The following MDN1 variants were observed in gnomAD, a reference collection of about 807,000 sequenced individuals.
The protein encoded by MDN1 is midasin AAA ATPase 1, also known as midasin.
In MDN1, 266 loss-of-function variants were observed where a neutral mutation model predicts 669.2. That is an observed-to-expected ratio of 0.40 (90% confidence interval 0.36 to 0.44). The LOEUF is 0.44. Among genes scored for constraint, MDN1 ranks in the 20% least tolerant of loss-of-function variants. MDN1 has a pLI of 1.00. For synonymous variants in MDN1, 2,385 were observed against 2,457.1 expected (o/e 0.97, Z 0.87); for missense variants, 5,940 against 6,754.0 (o/e 0.88, Z 4.22).
At chr6:89,794,250 G>C in intron 3 of MDN1, 43 bp from the exon 4 acceptor site, 6 of 1,110,432 alleles carry the variant, frequency 5.4e-6, no homozygotes, top group Non-Finnish European at 7.9e-6. Flanking sequence ...ATCTGCAGTT[G>C]ATAATAAAGA....
At chr6:89,755,535 C>T (rs1205295489) in intron 20 of MDN1, among the ~76,000 whole-genome samples, 1 of 152,106 alleles carries the variant, frequency 6.6e-6, no homozygotes, top group Non-Finnish European at 1.5e-5. Context: ...GTCTGCCTTA[C>T]TCATAGCTAT....
intron 17 of MDN1, 58 bp from the exon 18 acceptor site, chr6:89,759,018 G>C: frequency 6.6e-7 from 1 of 1,525,400 alleles, no homozygotes; most frequent in Non-Finnish European, 9.0e-7. Context: ...CACTTGCCAA[G>C]AACAGTTATG....
At chr6:89,718,293 A>T in intron 43 of MDN1, 73 bp downstream of exon 43, 1 of 1,421,388 alleles carries the variant, frequency 7.0e-7, no homozygotes, top group Non-Finnish European at 9.6e-7. Context: ...AAACATTTGT[A>T]AATCTATTAC....
intron 5 of MDN1, among the ~76,000 whole-genome samples, chr6:89,791,895 TTTGAGACAGAGTC>T (rs1458253125): frequency 6.7e-6 from 1 of 150,316 alleles, no homozygotes; most frequent in African/African-American, 2.5e-5. Flanking sequence ...TTTTTTTTTT[TTTGAGACAGAGTC>T]TCACTCTGGA....
intron 84 of MDN1, among the ~76,000 whole-genome samples, chr6:89,666,931 T>C (rs551349987): frequency 4.1e-4 from 62 of 152,362 alleles, no homozygotes; most frequent in African/African-American, 1.5e-3. Context: ...TTCTGATGAA[T>C]ATTTGGATTG....
chr6:89,668,773 A>C (rs1048545195), intron 83 of MDN1, among the ~76,000 whole-genome samples: 1 of 152,264 alleles, frequency 6.6e-6, no homozygotes, highest in African/African-American at 2.4e-5. Context: ...ACACAGAAAC[A>C]GCTTCCTGCG....
intron 2 of MDN1, among the ~76,000 whole-genome samples, chr6:89,796,280 C>T (rs1243207014): frequency 2.3e-5 from 3 of 131,206 alleles, no homozygotes; most frequent in East Asian, 2.5e-4. Flanking sequence ...GCCAAGATCG[C>T]GCCATTGCAC....
At position 89,692,648 on chromosome 6, in the gene MDN1, G is replaced by A. The variant is rs754545157; in HGVS notation, c.10382C>T (p.Ser3461Leu). The change falls in exon 63 of 102, where the codon TCG becomes TTG. Residue 3461 changes from serine (S) to leucine (L), a missense_variant. This residue lies in a region of MDN1 where 150 missense variants were observed against 234.2 expected (regional missense o/e 0.64). Coordinates refer to ENST00000369393, the MANE Select transcript of MDN1 (RefSeq NM_014611.3). ...TCGTAGAACCTCCTCAGACTTCACC[G>A]AGCACAAAGTGTCTGCATGAGCATA... ...TYYAHADTLCSVKSEEVLRGL... is the reference protein window; with the variant it reads ...TYYAHADTLCLVKSEEVLRGL... The A allele has an allele frequency of 9.9e-6, 16 of 1,614,074 alleles. No homozygotes were observed. The Middle Eastern group carries it at 4.9e-4, about 50-fold the overall frequency.
At chr6:89,686,132 T>G (rs1338959949) in intron 69 of MDN1, among the ~76,000 whole-genome samples, 159 bp from the exon 70 acceptor site, 5 of 152,150 alleles carry the variant, frequency 3.3e-5, no homozygotes, top group African/African-American at 1.2e-4. Context: ...CTAAGCTGAT[T>G]TAAAAGTAAC....
chr6:89,701,321 G>C (rs978022746), intron 55 of MDN1, among the ~76,000 whole-genome samples: 4 of 152,044 alleles, frequency 2.6e-5, no homozygotes, highest in African/African-American at 9.7e-5. Context: ...TGATATAAAG[G>C]GTACATAGGT....
rs1584324199 is a variant in MDN1, at chr6:89,756,574, C to A, written c.2703-184G>T. 2.0e-5 allele frequency among the ~76,000 whole-genome samples: 3 copies of A among 152,146 alleles called. No individual in the cohort carries two copies. The South Asian group carries it at 6.2e-4, about 32-fold the overall frequency. On this transcript the variant is annotated intron_variant, in intron 19 of 101. Transcript: ENST00000369393. ...TAATGTAACCATTACCAAAAATATA[C>A]CATTATTGCTTCTTCTATGCAATAA...
chr6:89,793,936 C>T lies in MDN1; in HGVS notation c.681G>A (p.Gln227=). 6.2e-7 allele frequency: 1 copy of T among 1,613,226 alleles called. No individual in the cohort carries two copies. The highest frequency in any genetic ancestry group is 1.1e-5 in the South Asian group (1 of 91,046). ...HFRLRLLEEA[Q]LQDLEKALVL... Reference sequence around the variant, plus strand: ...CCAAGGCCTTCTCCAAGTCCTGCAACTGGGCCTCTTCTAATAACCTGAGAG... The same window carrying T: ...CCAAGGCCTTCTCCAAGTCCTGCAATTGGGCCTCTTCTAATAACCTGAGAG... The change falls in exon 5 of 102, where the codon CAG becomes CAA. Residue 227 remains glutamine, a synonymous_variant. Transcript: ENST00000369393.
intron 11 of MDN1, among the ~76,000 whole-genome samples, chr6:89,779,777 CA>C (rs1165795242): frequency 1.3e-5 from 2 of 152,146 alleles, no homozygotes; most frequent in African/African-American, 4.8e-5. Context: ...CTAAGAATAA[CA>C]AACCAGGCCG....
intron 53 of MDN1, 97 bp from the exon 54 acceptor site, chr6:89,702,158 C>T: frequency 1.6e-6 from 2 of 1,229,278 alleles, no homozygotes; most frequent in East Asian, 2.5e-5. Flanking sequence ...ACCAACATCT[C>T]CCGGGAAAAG....
intron 88 of MDN1, among the ~76,000 whole-genome samples, chr6:89,659,198 C>T (rs1169045206): frequency 1.3e-5 from 2 of 152,136 alleles, no homozygotes; most frequent in Non-Finnish European, 2.9e-5. Context: ...CATAGTGAGA[C>T]CCCATCTTTT....
chr6:89,766,659 A>G (rs1271985828), intron 15 of MDN1, among the ~76,000 whole-genome samples: 2 of 152,250 alleles, frequency 1.3e-5, no homozygotes, highest in African/African-American at 4.8e-5. Flanking sequence ...ACATGTAAGC[A>G]TTCATGTGAG....
intron 53 of MDN1, among the ~76,000 whole-genome samples, chr6:89,703,778 G>A (rs1026479305): frequency 3.3e-5 from 5 of 152,136 alleles, no homozygotes; most frequent in Admixed American, 3.3e-4. Context: ...ATGGGAGGCT[G>A]AGGCAGGCAG....
Position 89,736,664 on chromosome 6 carries a change from C to A in MDN1, c.4723+1662G>T, listed in dbSNP as rs1815993127. 2.6e-5 allele frequency among the ~76,000 whole-genome samples: 4 copies of A among 151,954 alleles called. No homozygotes were observed. The South Asian group carries it at 8.3e-4, about 31-fold the overall frequency. The stretch of plus-strand genomic sequence containing the variant: ...CAAAAATTAGCCTGGCGTGGTAGTG[C>A]ATGCCTACAGTGCCAAGTATTTGGG... On this transcript the variant is annotated intron_variant, in intron 33 of 101. Transcript: ENST00000369393.
In MDN1 at chr6:89,743,592, T is replaced by C. The variant is rs1816409536; in HGVS notation, c.4301A>G (p.Gln1434Arg). ...TGGACAAACCTTGTCGTTTGGCTTT[T>C]GTCTCACTGGCCGCAGGCCACCCAG... is the stretch of plus-strand genomic sequence containing the variant. ...DFLGGLRPVR[Q>R]KPNDKEEIDT... is the part of the protein sequence containing the mutation. Residue 1434 changes from glutamine (Q) to arginine (R), a missense_variant, in exon 30 of 102, where the codon CAA (glutamine) becomes CGA (arginine). This residue lies in a region of MDN1 where 2,292 missense variants were observed against 2,638.3 expected (regional missense o/e 0.87). Coordinates refer to ENST00000369393, the MANE Select transcript of MDN1 (RefSeq NM_014611.3). 6.2e-7 allele frequency: 1 copy of C among 1,613,838 alleles called. No individual in the cohort carries two copies. The highest frequency in any genetic ancestry group is 2.2e-5 in the East Asian group (1 of 44,890).
Sources: allele counts gnomAD v4.1 joint callset (sites outside exome capture counted in the v4.1 genomes callset), GRCh38; gene constraint gnomAD v4.1.1; regional missense constraint gnomAD v4.1.1; transcripts MANE v1.5; gene names NCBI Gene and HGNC (gene_info 2026-07-23, HGNC 2026-07-21).